RPS6KC1: variants seen among roughly 807,000 people sequenced by gnomAD.
RPS6KC1 encodes ribosomal protein S6 kinase C1.
Under a neutral mutation model 103.8 loss-of-function variants are expected in RPS6KC1, and 54 were observed. The ratio of observed to expected loss-of-function variants is 0.52; its 90% CI spans 0.42 to 0.65. The LOEUF (loss-of-function observed/expected upper bound fraction) is 0.65, where lower values mean the gene tolerates loss of function less well. Ranked by LOEUF, RPS6KC1 falls within the 30% of genes least tolerant of loss-of-function variation. The pLI, the probability that RPS6KC1 is intolerant of heterozygous loss-of-function variation, is 0.00. For synonymous variants in RPS6KC1, 439 were observed against 438.7 expected (o/e 1.00, Z -0.01); for missense variants, 1,151 against 1,253.8 (o/e 0.92, Z 1.24).
chr1:213,431,084 A>C, the RPS6KC1 span, among the ~76,000 whole-genome samples: 1 of 152,296 alleles, frequency 6.6e-6, no homozygotes, highest in East Asian at 1.9e-4. Context: ...GAAAATCTCA[A>C]GTCAAAAACT....
chr1:213,798,096 CG>C, the RPS6KC1 span, among the ~76,000 whole-genome samples: 1 of 152,154 alleles, frequency 6.6e-6, no homozygotes, highest in Non-Finnish European at 1.5e-5. Flanking sequence ...GACCCATCAT[CG>C]GGGAGACCAG....
chr1:213,219,595 A>G (rs1448350884), intron 8 of RPS6KC1, among the ~76,000 whole-genome samples: 1 of 152,192 alleles, frequency 6.6e-6, no homozygotes, highest in Non-Finnish European at 1.5e-5. Flanking sequence ...AATAGCAAAG[A>G]CTTAGAACCA....
the RPS6KC1 span, among the ~76,000 whole-genome samples, chr1:213,722,007 C>T: frequency 2.5e-4 from 38 of 152,200 alleles, no homozygotes; most frequent in Non-Finnish European, 4.6e-4. Context: ...CCCTCCGTGC[C>T]CACTCCGTCT....
chr1:213,801,454 T>A, the RPS6KC1 span, among the ~76,000 whole-genome samples: 1 of 152,112 alleles, frequency 6.6e-6, no homozygotes, highest in African/African-American at 2.4e-5. Flanking sequence ...ATATATGTTG[T>A]AAATTAAACA....
intron 8 of RPS6KC1, among the ~76,000 whole-genome samples, chr1:213,193,191 T>C (rs1222312059): frequency 6.6e-6 from 1 of 152,192 alleles, no homozygotes; most frequent in Non-Finnish European, 1.5e-5. Context: ...GGAAGGAGTG[T>C]TCTGTAAATA....
intron 10 of RPS6KC1, 35 bp downstream of exon 10, chr1:213,232,290 G>C (rs370706529): frequency 6.2e-7 from 1 of 1,612,688 alleles, no homozygotes; most frequent in Non-Finnish European, 8.5e-7. Flanking sequence ...ATGCAGTGAA[G>C]AATGTCACCT....
At chr1:213,811,735 GTA>G in the RPS6KC1 span, among the ~76,000 whole-genome samples, 1 of 152,216 alleles carries the variant, frequency 6.6e-6, no homozygotes, top group Non-Finnish European at 1.5e-5. Context: ...GTGTAAGAGA[GTA>G]TGGCAGTGCT....
the RPS6KC1 span, among the ~76,000 whole-genome samples, chr1:213,721,030 T>TA: frequency 9.1e-4 from 138 of 152,284 alleles, 1 homozygote; most frequent in African/African-American, 3.2e-3. Context: ...CTCATAACGG[T>TA]AATAATGTTT....
chr1:213,182,798 T>A (rs898946639), intron 8 of RPS6KC1, among the ~76,000 whole-genome samples: 1 of 148,332 alleles, frequency 6.7e-6, no homozygotes, highest in Non-Finnish European at 1.5e-5. Context: ...ATATATATAT[T>A]TTATATATCA....
chr1:213,125,399 T>G (rs1043245267), intron 5 of RPS6KC1, among the ~76,000 whole-genome samples: 4 of 152,088 alleles, frequency 2.6e-5, no homozygotes, highest in Non-Finnish European at 5.9e-5. Flanking sequence ...TATTGCCACA[T>G]TTTTACTAAT....
At chr1:213,236,437 T>G (rs2094222327) in intron 10 of RPS6KC1, among the ~76,000 whole-genome samples, 1 of 152,162 alleles carries the variant, frequency 6.6e-6, no homozygotes, top group East Asian at 1.9e-4. Flanking sequence ...AGGATTCCAT[T>G]TTGGACATGT....
At chr1:213,109,873 G>A (rs1275175195) in intron 4 of RPS6KC1, among the ~76,000 whole-genome samples, 2 of 151,226 alleles carry the variant, frequency 1.3e-5, no homozygotes, top group Non-Finnish European at 1.5e-5. Flanking sequence ...GTGTATGTAT[G>A]TACATATATT....
At chr1:213,493,440 T>C in the RPS6KC1 span, among the ~76,000 whole-genome samples, 4 of 152,242 alleles carry the variant, frequency 2.6e-5, no homozygotes, top group East Asian at 7.7e-4. Flanking sequence ...ACATTAAAAG[T>C]AGAAAAGTAG....
intron 7 of RPS6KC1, 53 bp from the exon 8 acceptor site, chr1:213,176,347 C>A: frequency 1.6e-6 from 2 of 1,252,514 alleles, no homozygotes; most frequent in Non-Finnish European, 1.1e-6. Flanking sequence ...AGCAGGCAGC[C>A]TTCCTTCAAG....
At chr1:213,479,675 C>G in the RPS6KC1 span, among the ~76,000 whole-genome samples, 1 of 151,836 alleles carries the variant, frequency 6.6e-6, no homozygotes, top group Admixed American at 6.6e-5. Flanking sequence ...TGAGTAATCA[C>G]CAATCAAAAT....
chr1:213,590,691 G>A, the RPS6KC1 span, among the ~76,000 whole-genome samples: 1 of 152,110 alleles, frequency 6.6e-6, no homozygotes, highest in Non-Finnish European at 1.5e-5. Flanking sequence ...CCATGGGTGA[G>A]GTCACTCTCA....
chr1:213,411,254 C>T, the RPS6KC1 span, among the ~76,000 whole-genome samples: 6 of 152,156 alleles, frequency 3.9e-5, no homozygotes, highest in Non-Finnish European at 8.8e-5. Context: ...GAGGAAGAAG[C>T]ACAAAGCAGC....
At chr1:213,857,348 A>C in the RPS6KC1 span, among the ~76,000 whole-genome samples, 1 of 152,218 alleles carries the variant, frequency 6.6e-6, no homozygotes, top group Non-Finnish European at 1.5e-5. Context: ...CCAGGGCAAG[A>C]ATCTTTCTTC....
At chr1:213,065,860 C>T (rs532127797) in intron 1 of RPS6KC1, among the ~76,000 whole-genome samples, 5 of 152,114 alleles carry the variant, frequency 3.3e-5, no homozygotes, top group African/African-American at 1.2e-4. Flanking sequence ...CTGAAAATAC[C>T]GCAGATAAAT....
Sources: gnomAD v4.1 joint callset for allele counts (sites outside exome capture counted in the v4.1 genomes callset) on GRCh38, gnomAD v4.1.1 for gene constraint, MANE v1.5 for transcripts, NCBI Gene and HGNC (gene_info 2026-07-23, HGNC 2026-07-21) for gene names.